The following DAB1 variants were observed in gnomAD, a reference collection of about 807,000 sequenced individuals.
The protein encoded by DAB1 is disabled homolog 1.
Under a neutral mutation model 64.6 loss-of-function variants are expected in DAB1, and 15 were observed. The ratio of observed to expected loss-of-function variants is 0.23; its 90% CI spans 0.16 to 0.36. DAB1 has a LOEUF of 0.36. Among genes scored for constraint, DAB1 ranks in the 10% least tolerant of loss-of-function variants. DAB1 has a pLI of 1.00. For synonymous variants in DAB1, 235 were observed against 251.9 expected, an observed-to-expected ratio of 0.93 and a Z score of 0.64; for missense variants, 596 against 706.7, an observed-to-expected ratio of 0.84 and a Z score of 1.78.
At chr1:57,525,136 G>A (rs748322784) in intron 7 of DAB1, among the ~76,000 whole-genome samples, 5 of 152,192 alleles carry the variant, frequency 3.3e-5, no homozygotes, top group Non-Finnish European at 7.3e-5. Context: ...CAATAAGTTA[G>A]TATGTACTTC....
intron 4 of DAB1, among the ~76,000 whole-genome samples, chr1:58,197,232 A>G (rs892111290): frequency 2.0e-5 from 3 of 152,216 alleles, no homozygotes; most frequent in African/African-American, 7.2e-5. Context: ...ATAAACCCTG[A>G]CAAGATCTAT....
chr1:57,586,915 A>G (rs543386882), intron 7 of DAB1, among the ~76,000 whole-genome samples: 6 of 152,314 alleles, frequency 3.9e-5, no homozygotes, highest in Admixed American at 2.6e-4. Flanking sequence ...TTTGCTATCA[A>G]TTACAAAGTC....
intron 4 of DAB1, among the ~76,000 whole-genome samples, chr1:57,114,057 G>T (rs1179070363): frequency 6.6e-6 from 1 of 152,150 alleles, no homozygotes; most frequent in Non-Finnish European, 1.5e-5. Flanking sequence ...TGGTCTCCCT[G>T]CCTTGGTGAT....
intron 6 of DAB1, among the ~76,000 whole-genome samples, chr1:57,675,720 T>C (rs1212065853): frequency 1.3e-5 from 2 of 152,348 alleles, no homozygotes; most frequent in Admixed American, 6.5e-5. Flanking sequence ...ATGTTTAAAT[T>C]AACTATTTAA....
intron 1 of DAB1, among the ~76,000 whole-genome samples, chr1:58,540,128 C>T (rs1380132796): frequency 6.6e-6 from 1 of 152,156 alleles, no homozygotes; most frequent in South Asian, 2.1e-4. Context: ...AAGTGGAAAA[C>T]CTTATCATTC....
At chr1:57,721,744 T>C (rs1647153697) in intron 6 of DAB1, among the ~76,000 whole-genome samples, 1 of 152,146 alleles carries the variant, frequency 6.6e-6, no homozygotes, top group African/African-American at 2.4e-5. Context: ...TGAGTGAGTA[T>C]ACTAGAGAGT....
chr1:58,098,832 T>C (rs558186334), intron 5 of DAB1, among the ~76,000 whole-genome samples: 1 of 152,286 alleles, frequency 6.6e-6, no homozygotes, highest in East Asian at 1.9e-4. Context: ...AACATTTTCA[T>C]GTCAGACTTC....
chr1:58,313,213 T>C lies in DAB1; in HGVS notation n.309+30139A>G, dbSNP rs77044753. Reference sequence around the variant, plus strand: ...AGCCCTGGAGCTTCTGTATTACTCATGGACCCAGCAGAAAACAGATGGCAC... The same window carrying C: ...AGCCCTGGAGCTTCTGTATTACTCACGGACCCAGCAGAAAACAGATGGCAC... On this transcript the variant is annotated intron_variant and non_coding_transcript_variant, in intron 4 of 20. Coordinates refer to the DAB1 transcript ENST00000485760. Among the ~76,000 whole-genome samples, 1,337 of 152,248 alleles carry C rather than the reference T, an allele frequency of 8.8e-3. 27 individuals are homozygous for C. The highest frequency in any genetic ancestry group is 0.031 in the African/African-American group (1,290 of 41,560).
intron 9 of DAB1, among the ~76,000 whole-genome samples, chr1:57,030,230 C>T (rs958239613): frequency 2.0e-5 from 3 of 152,136 alleles, no homozygotes; most frequent in Non-Finnish European, 4.4e-5. Context: ...TGCTGCCATG[C>T]GAGAAGTGCC....
At position 58,145,436 on chromosome 1, in the gene DAB1, T is replaced by TGA. The variant is rs1320883563; in HGVS notation, n.387+5074_387+5075insTC. 4.0e-3 allele frequency among the ~76,000 whole-genome samples: 614 copies of TGA among 152,314 alleles called. 6 individuals are homozygous for TGA. Among genetic ancestry groups the TGA allele is most frequent in the African/African-American group, 0.014 (571 of 41,558 alleles). On this transcript the variant is annotated intron_variant and non_coding_transcript_variant, in intron 5 of 20. Transcript: ENST00000485760. ...TATTAGTACTCCCGTCACATGGATGTCGTAAAGATTAAATATAATGATGAA... is the reference window on the plus strand; with the variant it reads ...TATTAGTACTCCCGTCACATGGATGTGACGTAAAGATTAAATATAATGATGAA...
rs192304268 is a variant in DAB1 at position 58,411,957 on chromosome 1, A to G, written n.258-68554T>C. Among the ~76,000 whole-genome samples the G allele has an allele frequency of 3.0e-4, 46 of 152,228 alleles. 2 individuals carry two copies. The East Asian group carries it at 8.3e-3, about 28-fold the overall frequency. Reference sequence around the variant, plus strand: ...GGAGGTAGCAGAATCCCTCTTTTCTATAGGACACCCATTCCATGTGATTCA... The same window carrying G: ...GGAGGTAGCAGAATCCCTCTTTTCTGTAGGACACCCATTCCATGTGATTCA... On this transcript the variant is annotated intron_variant and non_coding_transcript_variant, in intron 3 of 20. Coordinates refer to the DAB1 transcript ENST00000485760.
At chr1:58,362,884 C>T (rs1644181186) in intron 3 of DAB1, among the ~76,000 whole-genome samples, 1 of 152,172 alleles carries the variant, frequency 6.6e-6, no homozygotes, top group South Asian at 2.1e-4. Flanking sequence ...AACAAAATAC[C>T]ATTGACTGGG....
chr1:57,392,632 G>A (rs1253854030), intron 1 of DAB1, among the ~76,000 whole-genome samples: 2 of 152,214 alleles, frequency 1.3e-5, no homozygotes, highest in Non-Finnish European at 2.9e-5. Context: ...GAGAAAACAG[G>A]AGAAATATTT....
intron 7 of DAB1, among the ~76,000 whole-genome samples, chr1:57,645,028 G>A (rs1447609715): frequency 6.6e-6 from 1 of 152,164 alleles, no homozygotes; most frequent in Non-Finnish European, 1.5e-5. Flanking sequence ...GGAGAATCCA[G>A]GGAGGGGGAA....
At chr1:57,286,809 C>T in intron 2 of DAB1, among the ~76,000 whole-genome samples, 1 of 152,058 alleles carries the variant, frequency 6.6e-6, no homozygotes, top group Non-Finnish European at 1.5e-5. Flanking sequence ...AATATAGATA[C>T]AAAAACCATT....
At chr1:57,052,139 C>CG (rs1284601522) in intron 9 of DAB1, among the ~76,000 whole-genome samples, 56 of 14,062 alleles carry the variant, frequency 4.0e-3, no homozygotes, top group Admixed American at 7.8e-3. Flanking sequence ...TTACTGGGGG[C>CG]GGGGGGGCGG....
chr1:57,704,950 T>G (rs564304656), intron 6 of DAB1, among the ~76,000 whole-genome samples: 1 of 136,542 alleles, frequency 7.3e-6, no homozygotes, highest in Middle Eastern at 4.0e-3. Flanking sequence ...TTTCTTTTTC[T>G]TTGTGTAAAC....
At position 58,434,391 on chromosome 1, in the gene DAB1, G is replaced by A. The variant is rs822161; in HGVS notation, n.257+71669C>T. The stretch of plus-strand genomic sequence containing the variant: ...AGCCAACAGGATTTCCTGAGGGCGT[G>A]GATGTAGGACATGAGAAAAAGAAAA... On this transcript the variant is annotated intron_variant and non_coding_transcript_variant, in intron 3 of 20. Coordinates refer to the DAB1 transcript ENST00000485760. 8.5e-3 allele frequency among the ~76,000 whole-genome samples: 1,256 copies of A among 146,996 alleles called. 27 individuals are homozygous for A. Among genetic ancestry groups the A allele is most frequent in the African/African-American group, 0.031 (1,215 of 38,768 alleles).
Position 57,995,816 on chromosome 1 carries a change from G to T in DAB1, n.388-111654C>A, listed in dbSNP as rs187093230. Among the ~76,000 whole-genome samples the T allele has an allele frequency of 5.7e-3, 869 of 151,388 alleles. 8 individuals carry two copies. Among genetic ancestry groups the T allele is most frequent in the Middle Eastern group, 0.038 (11 of 292 alleles). On this transcript the variant is annotated intron_variant and non_coding_transcript_variant, in intron 5 of 20. Coordinates refer to the DAB1 transcript ENST00000485760. Reference sequence around the variant, plus strand: ...TTTAAATTGCTATTGAGAGTCTCAGGTTTCTCAGAAAAAAAAAAAGGTACA... The same window carrying T: ...TTTAAATTGCTATTGAGAGTCTCAGTTTTCTCAGAAAAAAAAAAAGGTACA...
Sources: allele counts gnomAD v4.1 joint callset (sites outside exome capture counted in the v4.1 genomes callset), GRCh38; gene constraint gnomAD v4.1.1; transcripts MANE v1.5; gene names NCBI Gene and HGNC (gene_info 2026-07-23, HGNC 2026-07-21).